DLGAP4: variants seen among roughly 807,000 people sequenced by gnomAD.
The protein encoded by DLGAP4 is disks large-associated protein 4.
A neutral mutation model predicts 86.9 loss-of-function variants in DLGAP4; 18 were observed. The ratio of observed to expected loss-of-function variants is 0.21; its 90% CI spans 0.14 to 0.31. The LOEUF (loss-of-function observed/expected upper bound fraction) is 0.31. Among genes scored for constraint, DLGAP4 ranks in the 10% least tolerant of loss-of-function variants. The pLI is 1.00. For synonymous variants in DLGAP4, 548 were observed against 574.3 expected, an observed-to-expected ratio of 0.95 and a Z score of 0.65; for missense variants, 1,085 against 1,362.6, an observed-to-expected ratio of 0.80 and a Z score of 3.21.
chr20:36,407,468 C>T (rs1395518839), intron 2 of DLGAP4, among the ~76,000 whole-genome samples: 4 of 152,114 alleles, frequency 2.6e-5, no homozygotes, highest in Admixed American at 6.6e-5. Flanking sequence ...GACTCAGAAA[C>T]GTCTTTGTCC....
In DLGAP4 at chr20:36,497,019, C is replaced by A; in HGVS notation, c.1963C>A (p.His655Asn). 1 of 1,611,176 alleles carries A rather than the reference C, an allele frequency of 6.2e-7. No individual in the cohort carries two copies. Among genetic ancestry groups the A allele is most frequent in the Non-Finnish European group, 8.5e-7 (1 of 1,177,918 alleles). Residue 655 changes from histidine to asparagine, a missense_variant, in exon 8 of 13, where the codon CAC becomes AAC. Coordinates refer to ENST00000339266, the MANE Select transcript of DLGAP4 (RefSeq NM_001365621.2). ...AGGGACGCTGACCAGCTCTGAGTCC[C>A]ACCCCGAGGCCGCCCCCAAAAGGAA... ...EQGTLTSSES[H>N]PEAAPKRKLS...
At chr20:36,315,447 T>C (rs1485815019) in intron 1 of DLGAP4, among the ~76,000 whole-genome samples, 3 of 218 alleles carry the variant, frequency 0.014, no homozygotes, top group Non-Finnish European at 0.03. Context: ...TGCGTGGGCT[T>C]CATGGGACCA....
rs541585936 is a variant in DLGAP4, at chr20:36,438,111, C to T, written c.1242-1643C>T. On this transcript the variant is annotated intron_variant, in intron 4 of 12. Transcript: ENST00000339266. ...TTTTGTGACCAGGTGCAGTGGCTCACGCTTGTAATCCCTGCACTTTGGGAG... is the reference window on the plus strand; with the variant it reads ...TTTTGTGACCAGGTGCAGTGGCTCATGCTTGTAATCCCTGCACTTTGGGAG... 6.2e-4 allele frequency among the ~76,000 whole-genome samples: 94 copies of T among 152,200 alleles called. 1 individual carries two copies. The highest frequency in any genetic ancestry group is 2.0e-3 in the African/African-American group (84 of 41,538).
At chr20:36,381,561 TGGGTGCTG>T (rs2031392424) in intron 2 of DLGAP4, among the ~76,000 whole-genome samples, 1 of 152,146 alleles carries the variant, frequency 6.6e-6, no homozygotes, top group South Asian at 2.1e-4. Context: ...AACATTGAGA[TGGGTGCTG>T]GGGACCTAGC....
At position 36,439,860 on chromosome 20, in the gene DLGAP4, A is replaced by C. The variant is rs147291353; in HGVS notation, c.1348A>C (p.Ile450Leu). ...CGACAGCCTCAACGACTCCAGCTGC[A>C]TCAGCCAGGTGAGGGTGGCAGGGAG... ...VSDSLNDSSC[I>L]SQIFGQASLI... The change falls in exon 5 of 13, where the codon ATC becomes CTC. Residue 450 changes from isoleucine to leucine, a missense_variant. Physicochemically the swap from Ile to Leu is conservative, Grantham distance 5. This residue lies in a region of DLGAP4 where 1,082 missense variants were observed against 1,344.1 expected (regional missense o/e 0.81). Transcript: ENST00000339266. The C allele has an allele frequency of 1.2e-6, 2 of 1,613,198 alleles. No individual in the cohort carries two copies. Among genetic ancestry groups the C allele is most frequent in the Non-Finnish European group, 1.7e-6 (2 of 1,179,876 alleles).
chr20:36,328,480 T>G (rs2065237736), intron 1 of DLGAP4, among the ~76,000 whole-genome samples: 1 of 151,896 alleles, frequency 6.6e-6, no homozygotes, highest in Non-Finnish European at 1.5e-5. Flanking sequence ...GCAGGTTTTT[T>G]TTTTTTTTTA....
chr20:36,478,566 G>A (rs1275398), intron 7 of DLGAP4, among the ~76,000 whole-genome samples: 151,781 of 152,318 alleles, frequency 1, 75,629 homozygotes, highest in Middle Eastern at 1. Context: ...GCCTGGCCTC[G>A]GGATGTTTAT....
chr20:36,367,624 C>G (rs1391312089), intron 2 of DLGAP4, among the ~76,000 whole-genome samples: 2 of 152,164 alleles, frequency 1.3e-5, no homozygotes, highest in East Asian at 3.9e-4. Context: ...AGGCTCAGGA[C>G]AGGAAGGGAG....
At chr20:36,317,552 C>A (rs1490755668) in intron 1 of DLGAP4, among the ~76,000 whole-genome samples, 1 of 146,062 alleles carries the variant, frequency 6.8e-6, no homozygotes, top group Non-Finnish European at 1.5e-5. Context: ...CTTCTGGGAT[C>A]GAACAATCTT....
intron 2 of DLGAP4, among the ~76,000 whole-genome samples, chr20:36,391,097 G>C (rs146525757): frequency 3.3e-5 from 5 of 152,242 alleles, no homozygotes; most frequent in Non-Finnish European, 7.4e-5. Flanking sequence ...ACTCAGCTGA[G>C]GGGCCCCACC....
chr20:36,413,878 G>T (rs1035096362), intron 2 of DLGAP4, among the ~76,000 whole-genome samples: 1 of 152,138 alleles, frequency 6.6e-6, no homozygotes, highest in African/African-American at 2.4e-5. Context: ...GGCAAGTGAA[G>T]TGTCTGATAC....
intron 2 of DLGAP4, among the ~76,000 whole-genome samples, chr20:36,409,084 G>A (rs1429937238): frequency 7.4e-6 from 1 of 135,268 alleles, no homozygotes; most frequent in Non-Finnish European, 1.5e-5. Context: ...CACCCAGGCT[G>A]GAGTGTGGTG....
In DLGAP4 at chr20:36,527,216, T is replaced by TGAAGATTTTACTCACAAAAAAAATC; in HGVS notation, c.*186_*210dup. 1 of 506,400 alleles carries TGAAGATTTTACTCACAAAAAAAATC rather than the reference T, an allele frequency of 2.0e-6. No individual in the cohort carries two copies. The highest frequency in any genetic ancestry group is 3.4e-6 in the Non-Finnish European group (1 of 295,662). The allele number at this position is 506,400 out of a possible 1,614,324, so 31.4% of individuals were successfully genotyped here. A position where few individuals can be genotyped will look rare whatever the true frequency, so the allele number is the denominator to read the frequency against. On this transcript the variant is annotated 3_prime_UTR_variant, in exon 13 of 13. Coordinates refer to ENST00000339266, the MANE Select transcript of DLGAP4 (RefSeq NM_001365621.2). ...TTGGGTCCCTCCCAGCTTTAGGTTA[T>TGAAGATTTTACTCACAAAAAAAATC]GAAGATTTTACTCACAAAAAAAATC... is the stretch of plus-strand genomic sequence containing the variant.
rs202122932 is a variant in DLGAP4, at chr20:36,500,362, A to G, written c.2263A>G (p.Ile755Val). The G allele has an allele frequency of 6.2e-7, 1 of 1,612,216 alleles. No homozygotes were observed. Among genetic ancestry groups the G allele is most frequent in the Non-Finnish European group, 8.5e-7 (1 of 1,179,078 alleles). Residue 755 changes from isoleucine to valine, a missense_variant, in exon 10 of 13, where the codon ATT becomes GTT. Ile to Val is a conservative substitution (Grantham distance 29). Around this residue, in one of 2 missense-constraint regions of DLGAP4, gnomAD observed 1,082 missense variants for 1,344.1 expected, o/e 0.81. Transcript: ENST00000339266. This position sits in a 1 kb window ranked among gnomAD's most constrained non-coding sequence, Gnocchi z 4.6. ...TGCCGGTCCCCGGCAGGCCCCCAAGATTGCCCAGATCAAGCGCAACCTCTC... is the reference window on the plus strand; with the variant it reads ...TGCCGGTCCCCGGCAGGCCCCCAAGGTTGCCCAGATCAAGCGCAACCTCTC... ...IDAGPRQAPK[I>V]AQIKRNLSYG...
rs1250231511 is a variant in DLGAP4 at position 36,338,418 on chromosome 20, C to T, written c.-303-28627C>T. Among the ~76,000 whole-genome samples the T allele has an allele frequency of 2.0e-5, 3 of 152,196 alleles. No individual in the cohort carries two copies. In the East Asian group the frequency reaches 5.8e-4, roughly 29 times the overall value. ...CTCTACTAAAAAAAAACAAAAAATA[C>T]AAAATTGGCCAGGTGTGGTGGCGCA... On this transcript the variant is annotated intron_variant, in intron 1 of 12. Transcript: ENST00000339266.
chr20:36,430,065 C>T (rs112218619), intron 2 of DLGAP4, among the ~76,000 whole-genome samples: 3 of 152,330 alleles, frequency 2.0e-5, no homozygotes, highest in African/African-American at 7.2e-5. Context: ...TTAGAAACCT[C>T]GCCAACCTCT....
intron 7 of DLGAP4, among the ~76,000 whole-genome samples, chr20:36,495,562 A>G (rs1354527819): frequency 2.6e-5 from 4 of 152,220 alleles, no homozygotes. Context: ...TTCTATTGCC[A>G]ACAGAGTTCT....
chr20:36,461,752 C>CCGT (rs2034081484), intron 7 of DLGAP4: 11 of 168,606 alleles, frequency 6.5e-5, no homozygotes, highest in East Asian at 3.1e-4. Flanking sequence ...CGTCCGTCCG[C>CCGT]CCGCCCGCCC....
At chr20:36,462,668 G>A (rs1171121798) in intron 7 of DLGAP4, 1 of 1,539,434 alleles carries the variant, frequency 6.5e-7, no homozygotes, top group South Asian at 1.2e-5. Flanking sequence ...GGCTCCATGG[G>A]GTTGGCGCTG....
Sources: allele counts gnomAD v4.1 joint callset (sites outside exome capture counted in the v4.1 genomes callset), GRCh38; gene constraint gnomAD v4.1.1; regional missense constraint gnomAD v4.1.1; non-coding constraint Gnocchi (gnomAD v3.1); transcripts MANE v1.5; gene names NCBI Gene and HGNC (gene_info 2026-07-23, HGNC 2026-07-21).